Variants in CNBD1 observed in about 807,000 individuals in gnomAD.
The protein encoded by CNBD1 is cyclic nucleotide-binding domain-containing protein 1.
A neutral mutation model predicts 54.4 loss-of-function variants in CNBD1; 71 were observed. The ratio of observed to expected loss-of-function variants is 1.30; its 90% CI spans 1.08 to 1.59. CNBD1 has a LOEUF of 1.59. CNBD1 is among the 40% of genes most tolerant of loss of function. CNBD1 has a pLI of 0.00. For missense variants in CNBD1, 659 were observed against 518.0 expected (o/e 1.27, Z -2.64); for synonymous variants, 182 against 170.7 (o/e 1.07, Z -0.51).
chr8:87,390,298 A>C (rs1811281365), intron 2 of CNBD1, among the ~76,000 whole-genome samples: 1 of 152,202 alleles, frequency 6.6e-6, no homozygotes, highest in African/African-American at 2.4e-5. Flanking sequence ...AACTACCATC[A>C]GAGTGAACAG....
chr8:87,149,931 T>A (rs1240852684), intron 4 of CNBD1, among the ~76,000 whole-genome samples: 2 of 152,026 alleles, frequency 1.3e-5, no homozygotes, highest in African/African-American at 2.4e-5. Flanking sequence ...ATCCCAGCAC[T>A]TTGGGAGGTG....
intron 8 of CNBD1, among the ~76,000 whole-genome samples, chr8:87,339,502 AG>A (rs1810022242): frequency 6.6e-6 from 1 of 151,344 alleles, no homozygotes; most frequent in Non-Finnish European, 1.5e-5. Flanking sequence ...ACTTTTTTTA[AG>A]GATGTATGAA....
At chr8:87,353,156 T>G (rs1049445116) in intron 9 of CNBD1, among the ~76,000 whole-genome samples, 1 of 152,210 alleles carries the variant, frequency 6.6e-6, no homozygotes, top group Non-Finnish European at 1.5e-5. Context: ...CTTTTGTACT[T>G]AAACAGAAAA....
intron 2 of CNBD1, among the ~76,000 whole-genome samples, chr8:87,401,037 C>G (rs1404597553): frequency 6.6e-6 from 1 of 151,936 alleles, no homozygotes; most frequent in Non-Finnish European, 1.5e-5. Flanking sequence ...TAATTTATCT[C>G]AGTTTAAAGC....
At chr8:86,964,773 G>A (rs1374406689) in intron 4 of CNBD1, among the ~76,000 whole-genome samples, 1 of 152,150 alleles carries the variant, frequency 6.6e-6, no homozygotes, top group Non-Finnish European at 1.5e-5. Flanking sequence ...GGTACCACTG[G>A]GGTTTGTTTC....
At chr8:86,973,960 TA>T (rs1399303305) in intron 4 of CNBD1, among the ~76,000 whole-genome samples, 1 of 152,190 alleles carries the variant, frequency 6.6e-6, no homozygotes, top group Admixed American at 6.5e-5. Context: ...ATTTATTGAC[TA>T]TTGTACAAAT....
chr8:87,190,495 A>C (rs923809700), intron 4 of CNBD1, among the ~76,000 whole-genome samples: 3 of 151,878 alleles, frequency 2.0e-5, no homozygotes, highest in African/African-American at 7.3e-5. Context: ...TTTTTTGTCC[A>C]TTACTACCCT....
At chr8:86,979,429 G>GAAAAAAAA (rs1808420491) in intron 4 of CNBD1, among the ~76,000 whole-genome samples, 1 of 108,956 alleles carries the variant, frequency 9.2e-6, no homozygotes, top group African/African-American at 3.6e-5. Flanking sequence ...AAAAAAAAAA[G>GAAAAAAAA]GCAAAAACAA....
At chr8:87,088,888 G>T (rs1811152419) in intron 4 of CNBD1, among the ~76,000 whole-genome samples, 1 of 152,182 alleles carries the variant, frequency 6.6e-6, no homozygotes, top group African/African-American at 2.4e-5. Flanking sequence ...CTGACAATCT[G>T]TTAGAAGAAA....
intron 8 of CNBD1, among the ~76,000 whole-genome samples, chr8:87,299,802 C>A (rs1808948940): frequency 6.6e-6 from 1 of 152,156 alleles, no homozygotes; most frequent in Admixed American, 6.5e-5. Context: ...GTGGTAGGAT[C>A]ATGAGCTGGA....
chr8:87,153,056 A>C (rs1812639515), intron 4 of CNBD1, among the ~76,000 whole-genome samples: 1 of 152,214 alleles, frequency 6.6e-6, no homozygotes, highest in African/African-American at 2.4e-5. Flanking sequence ...ATCAACTTTG[A>C]AAAACAGTGG....
intron 10 of CNBD1, among the ~76,000 whole-genome samples, chr8:87,361,428 T>C (rs1810522035): frequency 6.6e-6 from 1 of 151,716 alleles, no homozygotes; most frequent in Non-Finnish European, 1.5e-5. Context: ...GAAAATGAAA[T>C]AACACAAATG....
chr8:87,237,281 A>G (rs1437508717), intron 6 of CNBD1, 169 bp downstream of exon 6: 7 of 428,106 alleles, frequency 1.6e-5, no homozygotes, highest in Non-Finnish European at 2.9e-5. Context: ...TTGATTAAAC[A>G]TTTTTGATAA....
intron 4 of CNBD1, among the ~76,000 whole-genome samples, chr8:87,050,894 C>T (rs1810297864): frequency 6.6e-6 from 1 of 152,100 alleles, no homozygotes; most frequent in African/African-American, 2.4e-5. Context: ...CAGCTTCTGG[C>T]TGTAGGGGGT....
chr8:87,361,898 G>C (rs541483195), intron 10 of CNBD1, among the ~76,000 whole-genome samples: 2 of 151,948 alleles, frequency 1.3e-5, no homozygotes, highest in South Asian at 4.2e-4. Context: ...TTCTTTAAAT[G>C]AATCAGTTTT....
At chr8:86,945,435 G>C (rs1807443531) in intron 4 of CNBD1, among the ~76,000 whole-genome samples, 1 of 152,148 alleles carries the variant, frequency 6.6e-6, no homozygotes. Flanking sequence ...TTAGATTCAG[G>C]CTGTTTAAAA....
At chr8:87,194,609 T>C (rs1018814701) in intron 4 of CNBD1, among the ~76,000 whole-genome samples, 5 of 152,212 alleles carry the variant, frequency 3.3e-5, no homozygotes, top group Admixed American at 1.3e-4. Flanking sequence ...TAACCATTTC[T>C]TTATTACTGA....
chr8:86,992,550 T>G (rs1409095770), intron 4 of CNBD1, among the ~76,000 whole-genome samples: 1 of 151,952 alleles, frequency 6.6e-6, no homozygotes, highest in African/African-American at 2.4e-5. Context: ...ATTGTGTAGT[T>G]TTTTTTTAAG....
At chr8:86,926,536 T>C (rs891939667) in intron 3 of CNBD1, among the ~76,000 whole-genome samples, 1 of 152,212 alleles carries the variant, frequency 6.6e-6, no homozygotes, top group South Asian at 2.1e-4. Context: ...GGAGACGCCA[T>C]GTCACCCAAC....
Sources: allele counts gnomAD v4.1 joint callset (sites outside exome capture counted in the v4.1 genomes callset), GRCh38; gene constraint gnomAD v4.1.1; transcripts MANE v1.5; gene names NCBI Gene and HGNC (gene_info 2026-07-23, HGNC 2026-07-21).